The following STX2 variants were observed in gnomAD, a reference collection of about 807,000 sequenced individuals.
STX2 encodes the protein syntaxin-2.
Under a neutral mutation model 40.6 loss-of-function variants are expected in STX2, and 27 were observed. That is an observed-to-expected ratio of 0.66 (90% CI 0.49 to 0.92). STX2 has a LOEUF of 0.92. Among genes scored for constraint, STX2 ranks in the 40% least tolerant of loss-of-function variants. STX2 has a pLI of 0.00. For synonymous variants in STX2, 123 were observed against 119.1 expected (o/e 1.03, Z -0.22); for missense variants, 328 against 366.1 (o/e 0.90, Z 0.85).
At chr12:130,797,277 T>A (rs1951059585) in intron 9 of STX2, among the ~76,000 whole-genome samples, 1 of 152,224 alleles carries the variant, frequency 6.6e-6, no homozygotes, top group South Asian at 2.1e-4. Flanking sequence ...GGAACAGGAC[T>A]GCCTGTTTTT....
intron 1 of STX2, among the ~76,000 whole-genome samples, chr12:130,838,117 TTC>T (rs758896104): frequency 7.2e-5 from 11 of 152,192 alleles, no homozygotes; most frequent in Non-Finnish European, 1.6e-4. Context: ...AGCACCCCTG[TTC>T]TGAGGCTGCC....
chr12:130,794,584 C>G (rs1950972946), intron 10 of STX2, among the ~76,000 whole-genome samples: 1 of 152,222 alleles, frequency 6.6e-6, no homozygotes, highest in Non-Finnish European at 1.5e-5. Context: ...TAGCCTCGAC[C>G]TCCCCAGGCT....
intron 1 of STX2, among the ~76,000 whole-genome samples, chr12:130,836,839 C>T (rs914801163): frequency 3.3e-5 from 5 of 152,194 alleles, no homozygotes; most frequent in Non-Finnish European, 2.9e-5. Context: ...GATATACTCT[C>T]TGACTGCTCA....
Position 130,807,063 on chromosome 12 carries a change from C to T in STX2, c.382G>A (p.Glu128Lys), listed in dbSNP as rs1430153628. The T allele has an allele frequency of 6.2e-7, 1 of 1,614,224 alleles. No individual in the cohort carries two copies. The highest frequency in any genetic ancestry group is 1.1e-5 in the South Asian group (1 of 91,084). ...GCCTCATTGTACTCCGCCATGGCTT[C>T]CACAAACTTCCGAGACAGCACCGAA... Reference protein sequence around the residue: ...QHSVLSRKFVEAMAEYNEAQT... With the variant: ...QHSVLSRKFVKAMAEYNEAQT... The change falls in exon 6 of 11, where the codon GAA becomes AAA. Residue 128 changes from glutamate to lysine, a missense_variant. Coordinates refer to ENST00000392373, the MANE Select transcript of STX2 (RefSeq NM_194356.4).
intron 1 of STX2, among the ~76,000 whole-genome samples, chr12:130,835,894 A>C (rs1952741422): frequency 6.6e-6 from 1 of 151,484 alleles, no homozygotes; most frequent in South Asian, 2.1e-4. Context: ...TGTATTGAGC[A>C]GATTACTCTT....
rs889627396 is a variant in STX2, at chr12:130,801,385, A to T, written c.537+30T>A. ...AAAAGCTCTGTCTACAGAAGAGGAC[A>T]TGGAGCCACAGGGCCGCACCCCCAC... On this transcript the variant is annotated intron_variant, in intron 7 of 10. Transcript: ENST00000392373. The T allele has an allele frequency of 2.5e-6, 4 of 1,599,692 alleles. No individual in the cohort carries two copies. In the East Asian group the frequency reaches 9.0e-5, roughly 36 times the overall value.
At chr12:130,815,066 CTATT>C (rs903406716) in intron 3 of STX2, among the ~76,000 whole-genome samples, 30 of 152,092 alleles carry the variant, frequency 2.0e-4, no homozygotes, top group African/African-American at 6.5e-4. Context: ...CATGCCATCT[CTATT>C]TAAAAAAGGA....
At chr12:130,833,203 A>AG (rs1952635441) in intron 1 of STX2, among the ~76,000 whole-genome samples, 1 of 151,988 alleles carries the variant, frequency 6.6e-6, no homozygotes, top group South Asian at 2.1e-4. Context: ...GACACAGACA[A>AG]GGGGGAGGAG....
chr12:130,814,681 G>C (rs1372707192), intron 3 of STX2, among the ~76,000 whole-genome samples: 4 of 146,684 alleles, frequency 2.7e-5, no homozygotes, highest in Non-Finnish European at 5.9e-5. Context: ...TTGTCACCCA[G>C]GCTGGAGTGC....
rs560116876 is a variant in STX2 at position 130,827,613 on chromosome 12, C to A, written c.31-346G>T. Among the ~76,000 whole-genome samples the A allele has an allele frequency of 3.9e-5, 6 of 152,370 alleles. No individual in the cohort carries two copies. The South Asian group carries it at 1.2e-3, about 32-fold the overall frequency. On this transcript the variant is annotated intron_variant, in intron 1 of 10. Transcript: ENST00000392373. ...GAAACTGCTGGTGTTGCATATTTTC[C>A]ATAAACAGTAAAAACACTGGCCAGC...
In STX2 at chr12:130,791,844, T is replaced by C. The variant is rs1488512919; in HGVS notation, c.*179A>G. ...CATTCACGAAATGACAGGATGCTGA[T>C]TTGGTTGCAGATGTGGTCTGAGTCT... On this transcript the variant is annotated 3_prime_UTR_variant, in exon 11 of 11. Coordinates refer to ENST00000392373, the MANE Select transcript of STX2 (RefSeq NM_194356.4). 6 of 1,443,790 alleles carry C rather than the reference T, an allele frequency of 4.2e-6. No individual in the cohort carries two copies. Among genetic ancestry groups the C allele is most frequent in the African/African-American group, 1.4e-5 (1 of 71,456 alleles). 89.4% of individuals were successfully genotyped at this position (1,443,790 alleles called of 1,614,324 possible).
At chr12:130,808,571 A>G (rs1207390619) in intron 5 of STX2, 60 bp downstream of exon 5, 1 of 1,414,912 alleles carries the variant, frequency 7.1e-7, no homozygotes, top group Non-Finnish European at 9.8e-7. Context: ...GTCTGCAAGA[A>G]GAAAGTAAAA....
At chr12:130,829,050 C>T (rs1026924481) in intron 1 of STX2, among the ~76,000 whole-genome samples, 2 of 151,992 alleles carry the variant, frequency 1.3e-5, no homozygotes, top group Non-Finnish European at 2.9e-5. Context: ...CTGCAGGAGT[C>T]AGACCAGGTG....
intron 4 of STX2, 26 bp from the exon 5 acceptor site, chr12:130,808,730 C>A (rs558393055): frequency 6.4e-7 from 1 of 1,568,936 alleles, no homozygotes; most frequent in South Asian, 1.2e-5. Context: ...AAATAATTAC[C>A]TTCCAAATTT....
chr12:130,817,894 G>A (rs200996742), intron 3 of STX2, among the ~76,000 whole-genome samples: 1 of 34,092 alleles, frequency 2.9e-5, no homozygotes, highest in Non-Finnish European at 1.2e-4. Context: ...GAGGTAAGAA[G>A]GAAGGGGAGA....
intron 2 of STX2, among the ~76,000 whole-genome samples, chr12:130,822,200 T>C (rs1272756574): frequency 6.6e-6 from 1 of 152,148 alleles, no homozygotes; most frequent in South Asian, 2.1e-4. Context: ...GCGGATCACT[T>C]GAGGCCAGGA....
At chr12:130,801,388 G>A (rs760194536) in intron 7 of STX2, 27 bp downstream of exon 7, 1 of 1,599,988 alleles carries the variant, frequency 6.3e-7, no homozygotes, top group South Asian at 1.1e-5. Flanking sequence ...AGAGGACATG[G>A]AGCCACAGGG....
At chr12:130,801,074 C>T in intron 8 of STX2, 79 bp downstream of exon 8, 2 of 1,483,656 alleles carry the variant, frequency 1.3e-6, no homozygotes, top group African/African-American at 1.4e-5. Context: ...CTAGATACAT[C>T]CACTAGACAG....
chr12:130,803,628 C>A (rs1414082074), intron 6 of STX2, among the ~76,000 whole-genome samples: 1 of 138,936 alleles, frequency 7.2e-6, no homozygotes, highest in Non-Finnish European at 1.5e-5. Flanking sequence ...TATCACAACA[C>A]TGCACTCCAG....
Sources: gnomAD v4.1 joint callset for allele counts (sites outside exome capture counted in the v4.1 genomes callset) on GRCh38, gnomAD v4.1.1 for gene constraint, MANE v1.5 for transcripts, NCBI Gene and HGNC (gene_info 2026-07-23, HGNC 2026-07-21) for gene names.